PGBD5: variants seen among roughly 807,000 people sequenced by gnomAD.
PGBD5 encodes the protein piggyBac transposable element-derived protein 5.
A neutral mutation model predicts 47.9 loss-of-function variants in PGBD5; 14 were observed. The ratio of observed to expected loss-of-function variants is 0.29; its 90% CI spans 0.19 to 0.46. PGBD5 has a LOEUF of 0.46. PGBD5 is among the 20% of genes least tolerant of loss of function. The pLI is 1.00. For synonymous variants in PGBD5, 316 were observed against 306.3 expected, an observed-to-expected ratio of 1.03 and a Z score of -0.33; for missense variants, 635 against 716.0, an observed-to-expected ratio of 0.89 and a Z score of 1.29.
At chr1:230,369,642 G>A (rs1667897461) in intron 1 of PGBD5, among the ~76,000 whole-genome samples, 1 of 152,126 alleles carries the variant, frequency 6.6e-6, no homozygotes, top group African/African-American at 2.4e-5. Context: ...GCTGGGGACA[G>A]GGAGAGTGTG....
intron 1 of PGBD5, among the ~76,000 whole-genome samples, chr1:230,380,091 G>C (rs1668073960): frequency 1.3e-5 from 2 of 152,218 alleles, no homozygotes; most frequent in Non-Finnish European, 2.9e-5. Flanking sequence ...TGCAGACCCA[G>C]AGTGCAGCAA....
chr1:230,423,899 G>GT (rs1367034076), intron 1 of PGBD5, among the ~76,000 whole-genome samples: 1 of 152,174 alleles, frequency 6.6e-6, no homozygotes, highest in African/African-American at 2.4e-5. Context: ...CTTCATGACC[G>GT]TAAGTGCTGC....
chr1:230,352,765 G>A (rs1667578121), intron 2 of PGBD5, among the ~76,000 whole-genome samples: 1 of 152,114 alleles, frequency 6.6e-6, no homozygotes, highest in Admixed American at 6.5e-5. Flanking sequence ...AGCCCCATTT[G>A]GAACTATTCA....
intron 3 of PGBD5, among the ~76,000 whole-genome samples, chr1:230,337,917 A>G (rs1571829243): frequency 6.6e-6 from 1 of 152,200 alleles, no homozygotes; most frequent in Non-Finnish European, 1.5e-5. Flanking sequence ...TAGAGGCAGG[A>G]AAGTTAATGG....
chr1:230,373,510 CTG>C (rs1031923314), intron 1 of PGBD5, among the ~76,000 whole-genome samples: 3 of 152,220 alleles, frequency 2.0e-5, no homozygotes. Context: ...CAGGAAGACA[CTG>C]TTTCTCCCCA....
intron 3 of PGBD5, 111 bp downstream of exon 3, chr1:230,350,847 A>G (rs1667549341): frequency 4.9e-6 from 7 of 1,442,452 alleles, no homozygotes; most frequent in East Asian, 2.4e-5. Context: ...TTGGACCCAC[A>G]GTGAAAAGGG....
At chr1:230,416,614 G>A (rs765211031) in intron 1 of PGBD5, among the ~76,000 whole-genome samples, 25 of 152,298 alleles carry the variant, frequency 1.6e-4, no homozygotes, top group African/African-American at 5.1e-4. Context: ...GCTGCCGTTC[G>A]AAAGTCAGGA....
At chr1:230,403,994 T>C (rs893053209) in intron 1 of PGBD5, among the ~76,000 whole-genome samples, 1 of 152,108 alleles carries the variant, frequency 6.6e-6, no homozygotes, top group African/African-American at 2.4e-5. Context: ...CTAGAAAACA[T>C]GATTTCCCAA....
chr1:230,372,279 C>T (rs1051407070), intron 1 of PGBD5, among the ~76,000 whole-genome samples: 37 of 152,164 alleles, frequency 2.4e-4, no homozygotes, highest in African/African-American at 6.8e-4. Flanking sequence ...AGAGCAGTTT[C>T]GTTGCTGGTG....
chr1:230,321,063 T>G lies in PGBD5; in HGVS notation c.*2362A>C, dbSNP rs867449789. On this transcript the variant is annotated 3_prime_UTR_variant, in exon 7 of 7. Coordinates refer to ENST00000391860, the MANE Select transcript of PGBD5 (RefSeq NM_001258311.2). The stretch of plus-strand genomic sequence containing the variant: ...CTGTCAGAACAGCACCTCTTCCTGC[T>G]CATCTGGAATGACACACGACACAAA... 1.3e-5 allele frequency: 2 copies of G among 152,106 alleles called. No individual in the cohort carries two copies. The highest frequency in any genetic ancestry group is 2.9e-5 in the Non-Finnish European group (2 of 68,038). 9.4% of individuals were successfully genotyped at this position (152,106 alleles called of 1,614,324 possible).
chr1:230,320,035 G>C lies in PGBD5; in HGVS notation c.*3390C>G, dbSNP rs1363291423. The C allele has an allele frequency of 6.6e-6, 1 of 151,912 alleles. No homozygotes were observed. The highest frequency in any genetic ancestry group is 1.5e-5 in the Non-Finnish European group (1 of 67,992). The allele number at this position is 151,912 out of a possible 1,614,324, so 9.4% of individuals were successfully genotyped here. A position where few individuals can be genotyped will look rare whatever the true frequency, so the allele number is the denominator to read the frequency against. On this transcript the variant is annotated 3_prime_UTR_variant, in exon 7 of 7. Transcript: ENST00000391860. ...CCACCACCACACCCAGCTAATTTTTGTATTTTTAGTAGAGATGGGGTTTCA... is the reference window on the plus strand; with the variant it reads ...CCACCACCACACCCAGCTAATTTTTCTATTTTTAGTAGAGATGGGGTTTCA...
At chr1:230,408,333 A>G (rs1657342104) in intron 1 of PGBD5, among the ~76,000 whole-genome samples, 1 of 152,200 alleles carries the variant, frequency 6.6e-6, no homozygotes, top group Non-Finnish European at 1.5e-5. Context: ...ACAAAAATGT[A>G]TATTTGATGT....
chr1:230,350,292 T>C (rs77437183), intron 3 of PGBD5, among the ~76,000 whole-genome samples: 21 of 152,336 alleles, frequency 1.4e-4, no homozygotes, highest in African/African-American at 4.8e-4. Context: ...TCTCCCTTTG[T>C]GTACCCTACT....
intron 4 of PGBD5, among the ~76,000 whole-genome samples, chr1:230,335,004 A>C (rs1667279505): frequency 7.0e-6 from 1 of 142,776 alleles, no homozygotes; most frequent in Non-Finnish European, 1.6e-5. Context: ...CCTTATCTCC[A>C]TGGCATCTAC....
chr1:230,411,729 CT>C (rs1657414056), intron 1 of PGBD5, among the ~76,000 whole-genome samples: 2 of 152,140 alleles, frequency 1.3e-5, no homozygotes, highest in South Asian at 2.1e-4. Flanking sequence ...CATAATTCAG[CT>C]GTGTATCAAA....
chr1:230,407,428 C>G (rs903798440), intron 1 of PGBD5, among the ~76,000 whole-genome samples: 3 of 152,222 alleles, frequency 2.0e-5, no homozygotes, highest in African/African-American at 7.2e-5. Flanking sequence ...GAAAAAAAAA[C>G]TGTTCCCTGA....
At chr1:230,342,732 C>T (rs899958250) in intron 3 of PGBD5, among the ~76,000 whole-genome samples, 1 of 152,134 alleles carries the variant, frequency 6.6e-6, no homozygotes, top group Non-Finnish European at 1.5e-5. Context: ...ATAACGTTGC[C>T]ATATGCACCT....
Position 230,355,655 on chromosome 1 carries a change from G to A in PGBD5, c.759+1239C>T, listed in dbSNP as rs139062851. On this transcript the variant is annotated intron_variant, in intron 2 of 6. Transcript: ENST00000391860. Reference sequence around the variant, plus strand: ...TAAATGACACACTGGAGGATGAGGCGCAGTGGCATCTGGCTGCCCCATCAA... The same window carrying A: ...TAAATGACACACTGGAGGATGAGGCACAGTGGCATCTGGCTGCCCCATCAA... 4.4e-3 allele frequency among the ~76,000 whole-genome samples: 669 copies of A among 152,322 alleles called. 2 individuals are homozygous for A. The highest frequency in any genetic ancestry group is 7.2e-3 in the Non-Finnish European group (489 of 68,028).
At chr1:230,377,475 G>T (rs149664227) in intron 1 of PGBD5, 3 of 1,610,898 alleles carry the variant, frequency 1.9e-6, no homozygotes, top group Admixed American at 3.3e-5. Context: ...AGAGCTGGAA[G>T]GGCCTTACTA....
Sources: allele counts gnomAD v4.1 joint callset (sites outside exome capture counted in the v4.1 genomes callset), GRCh38; gene constraint gnomAD v4.1.1; transcripts MANE v1.5; gene names NCBI Gene and HGNC (gene_info 2026-07-23, HGNC 2026-07-21).